Variants in BMPER observed in about 807,000 individuals in gnomAD.
BMPER encodes BMP binding endothelial regulator.
A neutral mutation model predicts 87.3 loss-of-function variants in BMPER; 45 were observed. The observed-to-expected ratio is 0.52, with a 90% CI of 0.41 to 0.66. The LOEUF is 0.66. Ranked by LOEUF, BMPER falls within the 30% of genes least tolerant of loss-of-function variation. The probability of loss-of-function intolerance (pLI) is 0.00; values close to 1 mark genes in which losing one functional copy is unlikely to be tolerated. For missense variants in BMPER, 784 were observed against 867.5 expected, an observed-to-expected ratio of 0.90 and a Z score of 1.21; for synonymous variants, 326 against 316.2, an observed-to-expected ratio of 1.03 and a Z score of -0.33.
At chr7:33,998,379 G>C (rs1024992689) in intron 6 of BMPER, among the ~76,000 whole-genome samples, 1 of 152,114 alleles carries the variant, frequency 6.6e-6, no homozygotes, top group African/African-American at 2.4e-5. Flanking sequence ...GCTAGACTTC[G>C]GTGGGAATCT....
intron 2 of BMPER, 36 bp from the exon 3 acceptor site, chr7:33,937,251 ATG>A: frequency 6.3e-7 from 1 of 1,594,470 alleles, no homozygotes. Context: ...ATTCTGTTTG[ATG>A]TCTATTTCAA....
chr7:34,029,050 A>G (rs1490495766), intron 6 of BMPER, among the ~76,000 whole-genome samples: 4 of 152,080 alleles, frequency 2.6e-5, no homozygotes, highest in Admixed American at 6.6e-5. Context: ...TGAAAAATGA[A>G]AAGTACATGC....
At chr7:34,090,805 C>T (rs1789358735) in intron 13 of BMPER, among the ~76,000 whole-genome samples, 1 of 152,196 alleles carries the variant, frequency 6.6e-6, no homozygotes, top group Admixed American at 6.5e-5. Flanking sequence ...GAAGCCCAGA[C>T]ATTTAGAGAC....
At chr7:34,051,828 TCTTA>T (rs551447817) in intron 7 of BMPER, 29 bp from the exon 8 acceptor site, 18 of 1,549,378 alleles carry the variant, frequency 1.2e-5, no homozygotes, top group South Asian at 2.2e-5. Context: ...CCCGATTCTG[TCTTA>T]CTTACACTGT....
chr7:33,976,445 G>A (rs1390863762), intron 6 of BMPER, among the ~76,000 whole-genome samples: 1 of 152,126 alleles, frequency 6.6e-6, no homozygotes, highest in African/African-American at 2.4e-5. Context: ...GAGCCGCTAT[G>A]CCTGGCCTGA....
intron 12 of BMPER, among the ~76,000 whole-genome samples, chr7:34,079,775 C>A (rs1029481515): frequency 6.6e-5 from 10 of 152,324 alleles, no homozygotes; most frequent in South Asian, 4.1e-4. Flanking sequence ...CGTGGCTGTT[C>A]TATGCCACCG....
At position 34,051,901 on chromosome 7, in the gene BMPER, C is replaced by T. The variant is rs2127960423; in HGVS notation, c.717C>T (p.Leu239=). ...TTGACCTCCCTTTTGGGAGCTGCCTCTTTCGAAGTGATGTTTATGACAATG... is the reference window on the plus strand; with the variant it reads ...TTGACCTCCCTTTTGGGAGCTGCCTTTTTCGAAGTGATGTTTATGACAATG... ...KVFDLPFGSC[L]FRSDVYDNGS... Residue 239 remains leucine (L), a synonymous_variant, in exon 8 of 15, where the codon CTC becomes CTT. Coordinates refer to ENST00000649409, the MANE Select transcript of BMPER (RefSeq NM_001365308.1). The T allele has an allele frequency of 1.2e-6, 2 of 1,614,038 alleles. No homozygotes were observed. Among genetic ancestry groups the T allele is most frequent in the East Asian group, 2.2e-5 (1 of 44,878 alleles).
rs1785512489 is a variant in BMPER at position 33,970,383 on chromosome 7, T to C, written c.457T>C (p.Leu153=). ...VRCVVHCKNP[L]EHLGMCCPTC... is the part of the protein sequence containing the mutation. Reference sequence around the variant, plus strand: ...CTGTGTTGTTCATTGTAAAAACCCTTTGGAGCATCTGGGAATGTGCTGCCC... The same window carrying C: ...CTGTGTTGTTCATTGTAAAAACCCTCTGGAGCATCTGGGAATGTGCTGCCC... The change falls in exon 5 of 15, where the codon TTG becomes CTG. Residue 153 remains leucine, a synonymous_variant. Transcript: ENST00000649409. The C allele has an allele frequency of 6.2e-7, 1 of 1,614,050 alleles. No individual in the cohort carries two copies. Among genetic ancestry groups the C allele is most frequent in the Admixed American group, 1.7e-5 (1 of 59,992 alleles).
intron 10 of BMPER, among the ~76,000 whole-genome samples, chr7:34,061,216 T>A (rs1759169216): frequency 6.6e-6 from 1 of 152,210 alleles, no homozygotes; most frequent in African/African-American, 2.4e-5. Flanking sequence ...AATGTTAAAC[T>A]TCTTCTACAT....
chr7:33,982,352 A>G (rs1183954904), intron 6 of BMPER, among the ~76,000 whole-genome samples: 7 of 152,190 alleles, frequency 4.6e-5, no homozygotes, highest in Non-Finnish European at 7.3e-5. Flanking sequence ...TTATTGAGCA[A>G]ATTAGATCAA....
chr7:34,088,349 A>C (rs1162128961), intron 13 of BMPER, among the ~76,000 whole-genome samples: 2 of 152,204 alleles, frequency 1.3e-5, no homozygotes, highest in African/African-American at 4.8e-5. Context: ...ATGCACCTTC[A>C]TGAACCTGAA....
chr7:34,124,865 A>T (rs1790360599), intron 13 of BMPER, among the ~76,000 whole-genome samples: 1 of 152,122 alleles, frequency 6.6e-6, no homozygotes, highest in African/African-American at 2.4e-5. Context: ...AAATTTTGAA[A>T]CCAGGATTAA....
chr7:34,020,652 G>C (rs1181840962), intron 6 of BMPER, among the ~76,000 whole-genome samples: 1 of 151,942 alleles, frequency 6.6e-6, no homozygotes, highest in Non-Finnish European at 1.5e-5. Context: ...AGGAGTAAAA[G>C]GCGAAGTAGT....
Position 34,050,052 on chromosome 7 carries a change from G to A in BMPER, c.677-1809G>A, listed in dbSNP as rs187944483. Among the ~76,000 whole-genome samples, 6 of 152,224 alleles carry A rather than the reference G, an allele frequency of 3.9e-5. 1 individual carries two copies. The East Asian group carries it at 1.2e-3, about 29-fold the overall frequency. Reference sequence around the variant, plus strand: ...GGGTAAACCTATTTGGGTTTCTTAGGGGAATATTTAGGGAAAGAATGAATT... The same window carrying A: ...GGGTAAACCTATTTGGGTTTCTTAGAGGAATATTTAGGGAAAGAATGAATT... On this transcript the variant is annotated intron_variant, in intron 7 of 14. Coordinates refer to ENST00000649409, the MANE Select transcript of BMPER (RefSeq NM_001365308.1).
At chr7:33,978,845 A>G (rs1785762572) in intron 6 of BMPER, among the ~76,000 whole-genome samples, 1 of 152,234 alleles carries the variant, frequency 6.6e-6, no homozygotes, top group Admixed American at 6.5e-5. Context: ...AGCCTATTTT[A>G]TAATAAACTA....
intron 13 of BMPER, among the ~76,000 whole-genome samples, chr7:34,142,923 AG>A (rs1790910733): frequency 2.0e-5 from 3 of 152,248 alleles, no homozygotes; most frequent in African/African-American, 7.2e-5. Flanking sequence ...GCCACATTCC[AG>A]GTGCTCAGTA....
At chr7:34,000,778 A>G (rs1362968503) in intron 6 of BMPER, among the ~76,000 whole-genome samples, 4 of 152,108 alleles carry the variant, frequency 2.6e-5, no homozygotes, top group African/African-American at 9.6e-5. Context: ...CTTATTGGCC[A>G]ATGGGATATA....
At chr7:34,046,180 G>A (rs1787959600) in intron 6 of BMPER, 126 bp from the exon 7 acceptor site, 3 of 878,878 alleles carry the variant, frequency 3.4e-6, no homozygotes, top group African/African-American at 3.3e-5. Context: ...AATCACATGG[G>A]CCTGAGCAGT....
chr7:34,111,277 G>T (rs1000336850), intron 13 of BMPER, among the ~76,000 whole-genome samples: 3 of 152,196 alleles, frequency 2.0e-5, no homozygotes, highest in Non-Finnish European at 4.4e-5. Flanking sequence ...GCTTTGTCCT[G>T]GTGAGCTGTA....
Sources: allele counts gnomAD v4.1 joint callset (sites outside exome capture counted in the v4.1 genomes callset), GRCh38; gene constraint gnomAD v4.1.1; transcripts MANE v1.5; gene names NCBI Gene and HGNC (gene_info 2026-07-23, HGNC 2026-07-21).